Variants in KAT14 observed in about 807,000 individuals in gnomAD.
KAT14 encodes lysine acetyltransferase 14, also known as cysteine-rich protein 2-binding protein.
In KAT14, 66 loss-of-function variants were observed where a neutral mutation model predicts 78.4. The ratio of observed to expected loss-of-function variants is 0.84; its 90% CI spans 0.69 to 1.03. The LOEUF is 1.03. Among genes scored for constraint, KAT14 ranks in the 50% least tolerant of loss-of-function variants. The pLI, the probability that KAT14 is intolerant of heterozygous loss-of-function variation, is 0.00. For synonymous variants in KAT14, 344 were observed against 359.4 expected, an observed-to-expected ratio of 0.96 and a Z score of 0.48; for missense variants, 870 against 972.5, an observed-to-expected ratio of 0.89 and a Z score of 1.40.
intron 4 of KAT14, among the ~76,000 whole-genome samples, chr20:18,154,821 G>C (rs748524824): frequency 6.6e-6 from 1 of 152,048 alleles, no homozygotes; most frequent in African/African-American, 2.4e-5. Flanking sequence ...GCAAAATTAC[G>C]TATCTTAAAA....
intron 10 of KAT14, among the ~76,000 whole-genome samples, chr20:18,186,475 A>G (rs1447426101): frequency 6.6e-6 from 1 of 152,232 alleles, no homozygotes; most frequent in African/African-American, 2.4e-5. Flanking sequence ...TAGCTATCAG[A>G]TGACTGTCAA....
chr20:18,187,023 A>T (rs2039471245), intron 10 of KAT14, among the ~76,000 whole-genome samples: 1 of 152,240 alleles, frequency 6.6e-6, no homozygotes, highest in African/African-American at 2.4e-5. Context: ...GACAATAACA[A>T]TATCCCCATT....
intron 10 of KAT14, 58 bp from the exon 11 acceptor site, chr20:18,187,228 A>ACTCATTTTCCCTC (rs1241931092): frequency 6.7e-7 from 1 of 1,496,344 alleles, no homozygotes; most frequent in African/African-American, 1.4e-5. Flanking sequence ...TTCTTTACCT[A>ACTCATTTTCCCTC]CTCATTTTCC....
intron 3 of KAT14, among the ~76,000 whole-genome samples, chr20:18,149,744 G>A (rs570312848): frequency 3.3e-5 from 5 of 152,094 alleles, no homozygotes; most frequent in Non-Finnish European, 5.9e-5. Flanking sequence ...AGGCTGAGGC[G>A]GGCAGGTCAC....
In KAT14 at chr20:18,181,730, G is replaced by A. The variant is rs767576526; in HGVS notation, c.1689G>A (p.Lys563=). The A allele has an allele frequency of 8.1e-6, 13 of 1,614,056 alleles. No homozygotes were observed. The highest frequency in any genetic ancestry group is 7.6e-6 in the Non-Finnish European group (9 of 1,180,036). ...DRYQTSLPSR[K]GFRHQTTKFL... ...CATAGACTTCCTTGCCGTCCAGGAA[G>A]GGATTTCGACACCAGACCACCAAGT... The change falls in exon 8 of 11, where the codon AAG becomes AAA. Residue 563 remains lysine, a synonymous_variant. Transcript: ENST00000688188.
chr20:18,168,651 C>T (rs372559828), intron 7 of KAT14, among the ~76,000 whole-genome samples: 43 of 151,870 alleles, frequency 2.8e-4, no homozygotes, highest in African/African-American at 1.0e-3. Context: ...TGTTAAGTGT[C>T]TTTTATTTTC....
chr20:18,139,302 T>C (rs753692511), intron 1 of KAT14, among the ~76,000 whole-genome samples: 3 of 152,218 alleles, frequency 2.0e-5, no homozygotes, highest in Non-Finnish European at 4.4e-5. Flanking sequence ...GTAAAAGATG[T>C]TGATCCTGGG....
intron 7 of KAT14, among the ~76,000 whole-genome samples, chr20:18,167,148 T>A (rs1224510617): frequency 6.6e-6 from 1 of 152,088 alleles, no homozygotes; most frequent in Non-Finnish European, 1.5e-5. Flanking sequence ...TCATACTGCT[T>A]TCCACATGGT....
chr20:18,138,159 C>T (rs1321312183), intron 1 of KAT14, 108 bp downstream of exon 1: 2 of 1,337,200 alleles, frequency 1.5e-6, no homozygotes, highest in African/African-American at 1.5e-5. Context: ...GTGTCTTTCC[C>T]CCGCGGTGGC....
Position 18,162,543 on chromosome 20 carries a change from G to T in KAT14, c.1266G>T (p.Arg422Ser). Reference sequence around the variant, plus strand: ...AGAGTGAGGAGGAAAAACCCGACAGGATGGATATTGACAGTGAAGACACAG... The same window carrying T: ...AGAGTGAGGAGGAAAAACCCGACAGTATGGATATTGACAGTGAAGACACAG... Reference protein sequence around the residue: ...EVESEEEKPDRMDIDSEDTDS... With the variant: ...EVESEEEKPDSMDIDSEDTDS... Residue 422 changes from arginine to serine, a missense_variant, in exon 7 of 11, where the codon AGG becomes AGT. Arg to Ser is a moderately radical substitution (Grantham distance 110, BLOSUM62 -1). Coordinates refer to ENST00000688188, the MANE Select transcript of KAT14 (RefSeq NM_001392073.1). 6.2e-7 allele frequency: 1 copy of T among 1,614,172 alleles called. No homozygotes were observed. Among genetic ancestry groups the T allele is most frequent in the Non-Finnish European group, 8.5e-7 (1 of 1,180,040 alleles).
rs1214231440 is a variant in KAT14 at position 18,184,711 on chromosome 20, A to G, written c.2091A>G (p.Glu697=). The change falls in exon 10 of 11, where the codon GAA becomes GAG. Residue 697 remains glutamate, a synonymous_variant. Transcript: ENST00000688188. ...GFMVPDVKYN[E]AYISFLFVHP... is the part of the protein sequence containing the mutation. ...TGGTTCCTGATGTGAAATACAATGA[A>G]GCTTACATTTCATTTCTGTTCGTCC... 2 of 1,613,626 alleles carry G rather than the reference A, an allele frequency of 1.2e-6. No homozygotes were observed. Among genetic ancestry groups the G allele is most frequent in the East Asian group, 2.2e-5 (1 of 44,876 alleles).
chr20:18,171,088 A>G (rs574113177), intron 7 of KAT14, among the ~76,000 whole-genome samples: 2 of 152,300 alleles, frequency 1.3e-5, no homozygotes, highest in East Asian at 3.9e-4. Context: ...CCTTCTGGAA[A>G]AGGAGTCATC....
At chr20:18,137,666 G>A (rs2037343939), upstream of KAT14, among the ~76,000 whole-genome samples, 2 of 152,306 alleles carry the variant, frequency 1.3e-5, no homozygotes, top group Middle Eastern at 3.4e-3. Context: ...AAGGTGCCGG[G>A]GCCAGTTTGG....
At chr20:18,160,815 G>A (rs996319530) in intron 5 of KAT14, among the ~76,000 whole-genome samples, 1 of 151,886 alleles carries the variant, frequency 6.6e-6, no homozygotes, top group African/African-American at 2.4e-5. Flanking sequence ...TAAATTCCTG[G>A]AGTTTCTACA....
chr20:18,187,420 A>C lies in KAT14; in HGVS notation c.2307A>C (p.Thr769=), dbSNP rs775155012. 1.2e-6 allele frequency: 2 copies of C among 1,614,230 alleles called. No homozygotes were observed. Among genetic ancestry groups the C allele is most frequent in the East Asian group, 4.5e-5 (2 of 44,888 alleles). ...FYDKYYPLES[T]ECKHAFFLRL... ...ATAAATATTACCCATTGGAGAGTAC[A>C]GAGTGTAAACACGCATTCTTTCTGA... The change falls in exon 11 of 11, where the codon ACA becomes ACC. Residue 769 remains threonine (T), a synonymous_variant. Coordinates refer to ENST00000688188, the MANE Select transcript of KAT14 (RefSeq NM_001392073.1).
At chr20:18,180,844 A>G (rs1480957183) in intron 7 of KAT14, among the ~76,000 whole-genome samples, 2 of 152,184 alleles carry the variant, frequency 1.3e-5, no homozygotes. Flanking sequence ...ATTATCTCCC[A>G]CCAGGTCCCT....
intron 7 of KAT14, among the ~76,000 whole-genome samples, chr20:18,177,879 C>G (rs570057968): frequency 6.6e-6 from 1 of 152,260 alleles, no homozygotes; most frequent in South Asian, 2.1e-4. Context: ...CAGTCCAGCT[C>G]TTGGGGTTTG....
chr20:18,142,122 G>A (rs1305377745), intron 1 of KAT14, 86 bp from the exon 2 acceptor site: 31 of 1,343,904 alleles, frequency 2.3e-5, no homozygotes, highest in East Asian at 7.6e-5. Context: ...GTATATTTTG[G>A]TAACACTGTT....
chr20:18,146,557 G>C (rs2146357283), intron 3 of KAT14, among the ~76,000 whole-genome samples: 1 of 152,288 alleles, frequency 6.6e-6, no homozygotes, highest in African/African-American at 2.4e-5. Flanking sequence ...TACTTGGGAG[G>C]CTGAGGCAGG....
Sources: gnomAD v4.1 joint callset for allele counts (sites outside exome capture counted in the v4.1 genomes callset) on GRCh38, gnomAD v4.1.1 for gene constraint, MANE v1.5 for transcripts, NCBI Gene and HGNC (gene_info 2026-07-23, HGNC 2026-07-21) for gene names.